Variants in SEC62 observed in about 807,000 individuals in gnomAD.
SEC62 encodes the protein SEC62 preprotein translocation factor, also known as translocation protein SEC62.
Under a neutral mutation model 47.5 loss-of-function variants are expected in SEC62, and 10 were observed. The ratio of observed to expected loss-of-function variants is 0.21; its 90% CI spans 0.13 to 0.36. The LOEUF is 0.36. Among genes scored for constraint, SEC62 ranks in the 10% least tolerant of loss-of-function variants. SEC62 has a pLI of 1.00. For missense variants in SEC62, 327 were observed against 464.1 expected, an observed-to-expected ratio of 0.70 and a Z score of 2.71; for synonymous variants, 136 against 150.5, an observed-to-expected ratio of 0.90 and a Z score of 0.71.
chr3:169,968,781 T>C (rs1196803964), intron 1 of SEC62, among the ~76,000 whole-genome samples: 1 of 152,204 alleles, frequency 6.6e-6, no homozygotes, highest in East Asian at 1.9e-4. Flanking sequence ...GGGAGTTATG[T>C]AGAGTATAGC....
intron 7 of SEC62, among the ~76,000 whole-genome samples, chr3:169,990,142 C>G (rs1386908867): frequency 6.6e-6 from 1 of 150,952 alleles, no homozygotes; most frequent in Non-Finnish European, 1.5e-5. Flanking sequence ...TGCTCTGTTG[C>G]CCAGGGTAAA....
At chr3:169,968,900 A>G (rs1175760282) in intron 1 of SEC62, among the ~76,000 whole-genome samples, 1 of 152,174 alleles carries the variant, frequency 6.6e-6, no homozygotes, top group Non-Finnish European at 1.5e-5. Context: ...TGGCTGTATA[A>G]AATGTTTGTG....
rs998073933 is a variant in SEC62, at chr3:169,995,482, G to A, written c.*2419G>A. Reference sequence around the variant, plus strand: ...TATAGATTTAGTTGAATACTATTCAGGAAGTAATAAATTTTAATATATCAC... The same window carrying A: ...TATAGATTTAGTTGAATACTATTCAAGAAGTAATAAATTTTAATATATCAC... On this transcript the variant is annotated 3_prime_UTR_variant, in exon 8 of 8. Transcript: ENST00000337002. The A allele has an allele frequency of 1.3e-5, 2 of 152,108 alleles. No individual in the cohort carries two copies. The highest frequency in any genetic ancestry group is 2.9e-5 in the Non-Finnish European group (2 of 68,022). 9.4% of individuals were successfully genotyped at this position (152,108 alleles called of 1,614,324 possible).
chr3:169,980,248 A>G (rs1305139649), intron 3 of SEC62, among the ~76,000 whole-genome samples: 2 of 152,176 alleles, frequency 1.3e-5, no homozygotes, highest in South Asian at 2.1e-4. Context: ...ATTTTGAAAC[A>G]TAAATAGGTG....
Position 169,993,944 on chromosome 3 carries a change from T to C in SEC62, c.*881T>C, listed in dbSNP as rs1715310880. 2 of 152,682 alleles carry C rather than the reference T, an allele frequency of 1.3e-5. No homozygotes were observed. The highest frequency in any genetic ancestry group is 2.1e-4 in the South Asian group (1 of 4,836). The allele number at this position is 152,682 out of a possible 1,614,324, so 9.5% of individuals were successfully genotyped here. A position where few individuals can be genotyped will look rare whatever the true frequency, so the allele number is the denominator to read the frequency against. Reference sequence around the variant, plus strand: ...ACCCACAGAACATCTGTGATCTTTCTACAGCAGCTTCAGTTTTGTGCCAAC... The same window carrying C: ...ACCCACAGAACATCTGTGATCTTTCCACAGCAGCTTCAGTTTTGTGCCAAC... On this transcript the variant is annotated 3_prime_UTR_variant, in exon 8 of 8. Coordinates refer to ENST00000337002, the MANE Select transcript of SEC62 (RefSeq NM_003262.4).
In SEC62 at chr3:169,983,179, C is replaced by T. The variant is rs1184541026; in HGVS notation, c.475C>T (p.Pro159Ser). 6.2e-7 allele frequency: 1 copy of T among 1,610,790 alleles called. No homozygotes were observed. Among genetic ancestry groups the T allele is most frequent in the Non-Finnish European group, 8.5e-7 (1 of 1,178,262 alleles). ...TTCATAGGAGGAAACTCCAGGAACT[C>T]CTAAAAAGAAGGAAACTAAGAAAAA... ...ESKKEETPGT[P>S]KKKETKKKFK... The change falls in exon 5 of 8, where the codon CCT (proline) becomes TCT (serine). Residue 159 changes from proline (P) to serine (S), a missense_variant. Around this residue, in one of 3 missense-constraint regions of SEC62, gnomAD observed 99 missense variants for 194.0 expected, o/e 0.51. Coordinates refer to ENST00000337002, the MANE Select transcript of SEC62 (RefSeq NM_003262.4).
At chr3:169,968,961 T>C (rs1714625965) in intron 1 of SEC62, among the ~76,000 whole-genome samples, 4 of 152,206 alleles carry the variant, frequency 2.6e-5, no homozygotes, top group African/African-American at 7.2e-5. Flanking sequence ...TATGAAAATA[T>C]ACTAGCCTAG....
At chr3:169,982,136 G>A (rs1341733689) in intron 3 of SEC62, among the ~76,000 whole-genome samples, 1 of 152,092 alleles carries the variant, frequency 6.6e-6, no homozygotes, top group African/African-American at 2.4e-5. Context: ...TTGATGTTGT[G>A]CACGTCCTTT....
At position 169,998,225 on chromosome 3, in the gene SEC62, T is replaced by C. The variant is rs1364114112; in HGVS notation, c.*5162T>C. On this transcript the variant is annotated 3_prime_UTR_variant, in exon 8 of 8. Transcript: ENST00000337002. ...ATGTTTCAAATAGGACTATAACTTA[T>C]TCAAAGGCCAATGATACTTCGCATA... 6 of 152,228 alleles carry C rather than the reference T, an allele frequency of 3.9e-5. No homozygotes were observed. Among genetic ancestry groups the C allele is most frequent in the East Asian group, 1.9e-4 (1 of 5,200 alleles). The allele number at this position is 152,228 out of a possible 1,614,324, so 9.4% of individuals were successfully genotyped here.
In SEC62 at chr3:169,997,638, TG is replaced by T. The variant is rs1259761578; in HGVS notation, c.*4576del. Reference sequence around the variant, plus strand: ...CATGCCACCACACCCAGCTAATTTTTGTATTTTTTAGTAGAGACAGGGTTTC... The same window carrying T: ...CATGCCACCACACCCAGCTAATTTTTTATTTTTTAGTAGAGACAGGGTTTC... On this transcript the variant is annotated 3_prime_UTR_variant, in exon 8 of 8. Transcript: ENST00000337002. The T allele has an allele frequency of 1.3e-5, 2 of 152,142 alleles. No homozygotes were observed. The highest frequency in any genetic ancestry group is 2.9e-5 in the Non-Finnish European group (2 of 68,056). The allele number at this position is 152,142 out of a possible 1,614,324, so 9.4% of individuals were successfully genotyped here.
At chr3:169,969,351 CT>C in intron 1 of SEC62, 1 of 456,626 alleles carries the variant, frequency 2.2e-6, no homozygotes, top group Non-Finnish European at 4.4e-6. Context: ...ACATTTCCTT[CT>C]TGGACTCATT....
intron 7 of SEC62, among the ~76,000 whole-genome samples, chr3:169,988,719 T>C (rs1354014583): frequency 6.6e-6 from 1 of 152,186 alleles, no homozygotes; most frequent in Non-Finnish European, 1.5e-5. Flanking sequence ...GCCTATCATT[T>C]ATTGTGAGAC....
At chr3:169,973,212 A>G (rs1296497021) in intron 1 of SEC62, among the ~76,000 whole-genome samples, 1 of 152,220 alleles carries the variant, frequency 6.6e-6, no homozygotes, top group Non-Finnish European at 1.5e-5. Context: ...ATATATTAAT[A>G]TATTTTAGCA....
chr3:169,972,358 C>G (rs1714718326), intron 1 of SEC62, among the ~76,000 whole-genome samples: 1 of 152,076 alleles, frequency 6.6e-6, no homozygotes, highest in African/African-American at 2.4e-5. Context: ...GTCAGTTTAC[C>G]CAAAACTTGT....
At position 169,993,336 on chromosome 3, in the gene SEC62, CCA is replaced by C. The variant is rs1559968731; in HGVS notation, c.*276_*277del. ...TTGACAGTTATCAAAGATGTACTTT[CCA>C]CAGTTAAATTTACATTAATGGCAAT... is the stretch of plus-strand genomic sequence containing the variant. On this transcript the variant is annotated 3_prime_UTR_variant, in exon 8 of 8. Coordinates refer to ENST00000337002, the MANE Select transcript of SEC62 (RefSeq NM_003262.4). 1 of 294,470 alleles carries C rather than the reference CCA, an allele frequency of 3.4e-6. No homozygotes were observed. The highest frequency in any genetic ancestry group is 4.7e-5 in the Admixed American group (1 of 21,146). 18.2% of individuals were successfully genotyped at this position (294,470 alleles called of 1,614,324 possible).
intron 2 of SEC62, 23 bp downstream of exon 2, chr3:169,975,739 G>A (rs766128309): frequency 5.5e-6 from 8 of 1,461,130 alleles, no homozygotes; most frequent in Middle Eastern, 1.7e-4. Flanking sequence ...CAGTAAAATC[G>A]TATTAGTGTA....
chr3:169,983,761 A>G (rs1225672871), intron 5 of SEC62: 1 of 152,224 alleles, frequency 6.6e-6, no homozygotes, highest in Non-Finnish European at 1.5e-5. Flanking sequence ...ACATAGTCAC[A>G]TGGTCATGCA....
At chr3:169,967,848 G>A (rs1186016470) in intron 1 of SEC62, among the ~76,000 whole-genome samples, 1 of 151,308 alleles carries the variant, frequency 6.6e-6, no homozygotes, top group Non-Finnish European at 1.5e-5. Context: ...TCATTGCTTA[G>A]AATGATTTTT....
intron 5 of SEC62, among the ~76,000 whole-genome samples, chr3:169,984,613 A>G (rs562978604): frequency 3.9e-5 from 6 of 152,310 alleles, no homozygotes; most frequent in African/African-American, 1.4e-4. Flanking sequence ...AGCAGCATGC[A>G]CTCCATAACT....
Sources: allele counts gnomAD v4.1 joint callset (sites outside exome capture counted in the v4.1 genomes callset), GRCh38; gene constraint gnomAD v4.1.1; regional missense constraint gnomAD v4.1.1; transcripts MANE v1.5; gene names NCBI Gene and HGNC (gene_info 2026-07-23, HGNC 2026-07-21).